Variants in GRIP1 observed in about 807,000 individuals in gnomAD.
The protein encoded by GRIP1 is glutamate receptor-interacting protein 1.
GRIP1 carries 45 observed loss-of-function variants against 129.9 expected under a neutral mutation model. The observed-to-expected ratio is 0.35, with a 90% confidence interval of 0.27 to 0.44. The LOEUF is 0.44. Ranked by LOEUF, GRIP1 falls within the 20% of genes least tolerant of loss-of-function variation. The pLI is 1.00. For missense variants in GRIP1, 1,196 were observed against 1,396.8 expected, an observed-to-expected ratio of 0.86 and a Z score of 2.29; for synonymous variants, 530 against 520.8, an observed-to-expected ratio of 1.02 and a Z score of -0.24.
intron 1 of GRIP1, among the ~76,000 whole-genome samples, chr12:66,837,499 T>C (rs2039635703): frequency 1.3e-5 from 2 of 152,156 alleles, no homozygotes; most frequent in Admixed American, 1.3e-4. Context: ...CTACTGTAAT[T>C]AGCTCAGTGT....
chr12:66,353,004 C>T (rs1379616309), intron 24 of GRIP1, among the ~76,000 whole-genome samples: 1 of 152,106 alleles, frequency 6.6e-6, no homozygotes, highest in African/African-American at 2.4e-5. Context: ...AAGATGCTGG[C>T]AAGGTAAGGA....
At position 66,678,979 on chromosome 12, in the gene GRIP1, G is replaced by T. The variant is rs2034468475; in HGVS notation, c.-75C>A. 6.2e-7 allele frequency: 1 copy of T among 1,609,452 alleles called. No individual in the cohort carries two copies. On this transcript the variant is annotated 5_prime_UTR_variant, in exon 1 of 25. It introduces an in-frame stop codon into an upstream open reading frame of the 5' UTR. Transcript: ENST00000359742. Reference sequence around the variant, plus strand: ...GGTGGCTGCAGCAGCAGCAGCATATGAATTCCTTGCGCACATACCAGGAGA... The same window carrying T: ...GGTGGCTGCAGCAGCAGCAGCATATTAATTCCTTGCGCACATACCAGGAGA...
intron 11 of GRIP1, among the ~76,000 whole-genome samples, chr12:66,451,237 CA>C (rs1004749608): frequency 2.6e-5 from 4 of 151,872 alleles, no homozygotes; most frequent in African/African-American, 9.7e-5. Flanking sequence ...TAAGAAAGGG[CA>C]GGGGGAGCCA....
At chr12:66,845,277 T>C (rs1384714066) in intron 1 of GRIP1, among the ~76,000 whole-genome samples, 2 of 152,124 alleles carry the variant, frequency 1.3e-5, no homozygotes, top group Middle Eastern at 3.4e-3. Context: ...GCCAACATGG[T>C]AAAACCCCAA....
chr12:67,061,052 G>T (rs1375066857), intron 1 of GRIP1, among the ~76,000 whole-genome samples: 1 of 152,196 alleles, frequency 6.6e-6, no homozygotes, highest in African/African-American at 2.4e-5. Flanking sequence ...GGCTGCCTTG[G>T]ATAACTGCAA....
chr12:66,764,946 T>C (rs1046649795), intron 1 of GRIP1, among the ~76,000 whole-genome samples: 3 of 152,248 alleles, frequency 2.0e-5, no homozygotes, highest in African/African-American at 7.2e-5. Context: ...GTGCTTTATG[T>C]GAATTAGCTC....
At chr12:66,420,237 T>C (rs945797626) in intron 15 of GRIP1, among the ~76,000 whole-genome samples, 1 of 152,160 alleles carries the variant, frequency 6.6e-6, no homozygotes, top group African/African-American at 2.4e-5. Flanking sequence ...TTTTTATTTA[T>C]GAAATGAAAA....
At chr12:66,379,559 T>TA (rs1254502730) in intron 19 of GRIP1, 123 bp from the exon 20 acceptor site, 1 of 960,146 alleles carries the variant, frequency 1.0e-6, no homozygotes, top group Admixed American at 1.7e-5. Context: ...AGTGAACACA[T>TA]AGTGTGTGCT....
At chr12:66,532,012 C>A (rs1035135336) in intron 4 of GRIP1, among the ~76,000 whole-genome samples, 5 of 152,120 alleles carry the variant, frequency 3.3e-5, no homozygotes, top group African/African-American at 1.2e-4. Flanking sequence ...CAAAGTACTG[C>A]AATTTTGATT....
chr12:66,523,987 A>C (rs573910073), intron 5 of GRIP1, among the ~76,000 whole-genome samples: 200 of 152,288 alleles, frequency 1.3e-3, no homozygotes, highest in Non-Finnish European at 2.4e-3. Context: ...AACTATCCTA[A>C]ATATATATAC....
rs888219288 is a variant in GRIP1, at chr12:66,983,935, A to G, written c.58+85115T>C. On this transcript the variant is annotated intron_variant, in intron 1 of 1. Transcript: ENST00000643019. ...AGGAAGCACCTCTTCCCACCAAGGG[A>G]GATTTAAAACCCGACTCCTATCTTT... Among the ~76,000 whole-genome samples the G allele has an allele frequency of 4.6e-5, 7 of 152,140 alleles. 1 individual carries two copies. The highest frequency in any genetic ancestry group is 1.7e-4 in the African/African-American group (7 of 41,428).
At chr12:66,674,608 G>A (rs2034237595) in intron 1 of GRIP1, among the ~76,000 whole-genome samples, 1 of 152,158 alleles carries the variant, frequency 6.6e-6, no homozygotes, top group Non-Finnish European at 1.5e-5. Flanking sequence ...TCTTGTCAGA[G>A]AGAATTGAGA....
chr12:66,624,206 T>A (rs2065389569), intron 1 of GRIP1, among the ~76,000 whole-genome samples: 1 of 152,180 alleles, frequency 6.6e-6, no homozygotes, highest in Non-Finnish European at 1.5e-5. Context: ...TTATTTCAAT[T>A]GGTTCCTCTG....
chr12:66,949,163 CTT>C (rs1224363336), intron 1 of GRIP1, among the ~76,000 whole-genome samples: 17 of 152,168 alleles, frequency 1.1e-4, no homozygotes, highest in African/African-American at 4.1e-4. Flanking sequence ...GTGTATGAAA[CTT>C]CGGATATTTA....
At chr12:66,424,151 T>A (rs1210646305) in intron 14 of GRIP1, among the ~76,000 whole-genome samples, 5 of 152,200 alleles carry the variant, frequency 3.3e-5, no homozygotes, top group Non-Finnish European at 7.4e-5. Flanking sequence ...TGTCTACAGC[T>A]CTTCTGCAAT....
chr12:66,347,738 T>C lies in GRIP1; in HGVS notation c.*1281A>G, dbSNP rs1246871356. On this transcript the variant is annotated 3_prime_UTR_variant, in exon 25 of 25. Transcript: ENST00000359742. The stretch of plus-strand genomic sequence containing the variant: ...AAATGTGATTGAAATAATATTTTTT[T>C]TGCACAAAAAGAAAGGTGATTTTTT... 6.9e-6 allele frequency: 1 copy of C among 145,066 alleles called. No individual in the cohort carries two copies. Among genetic ancestry groups the C allele is most frequent in the Non-Finnish European group, 1.5e-5 (1 of 66,614 alleles). 9.0% of individuals were successfully genotyped at this position (145,066 alleles called of 1,614,324 possible). A position where few individuals can be genotyped will look rare whatever the true frequency, so the allele number is the denominator to read the frequency against.
intron 1 of GRIP1, among the ~76,000 whole-genome samples, chr12:67,053,267 A>T (rs572132815): frequency 4.6e-5 from 7 of 152,274 alleles, no homozygotes; most frequent in Non-Finnish European, 8.8e-5. Context: ...AAGCTGGGGG[A>T]TAAGGAGAGA....
At chr12:66,385,857 C>T (rs1299411806) in intron 19 of GRIP1, among the ~76,000 whole-genome samples, 1 of 152,136 alleles carries the variant, frequency 6.6e-6, no homozygotes, top group Non-Finnish European at 1.5e-5. Flanking sequence ...TGATTGCCTG[C>T]CTTGGCCTCC....
intron 1 of GRIP1, among the ~76,000 whole-genome samples, chr12:66,956,204 G>C (rs2041838854): frequency 6.6e-6 from 1 of 152,150 alleles, no homozygotes. Context: ...CATCGGGCCT[G>C]TTTAGTGTCT....
Sources: gnomAD v4.1 joint callset for allele counts (sites outside exome capture counted in the v4.1 genomes callset) on GRCh38, gnomAD v4.1.1 for gene constraint, MANE v1.5 for transcripts, NCBI Gene and HGNC (gene_info 2026-07-23, HGNC 2026-07-21) for gene names.